Variants in SETD2 observed in about 807,000 individuals in gnomAD.
SETD2 encodes SET domain containing 2, histone lysine methyltransferase.
SETD2 carries 31 observed loss-of-function variants against 242.1 expected under a neutral mutation model. The observed-to-expected ratio is 0.13, with a 90% CI of 0.10 to 0.17. The LOEUF is 0.17. Ranked by LOEUF, SETD2 falls within the 10% of genes least tolerant of loss-of-function variation. The probability of loss-of-function intolerance (pLI) is 1.00; values close to 1 mark genes in which losing one functional copy is unlikely to be tolerated. For synonymous variants in SETD2, 1,006 were observed against 1,066.5 expected (o/e 0.94, Z 1.11); for missense variants, 2,481 against 3,046.3 (o/e 0.81, Z 4.37).
chr3:47,016,998 A>G lies in SETD2; in HGVS notation c.*95T>C. On this transcript the variant is annotated 3_prime_UTR_variant, in exon 21 of 21. Coordinates refer to ENST00000409792, the MANE Select transcript of SETD2 (RefSeq NM_014159.7). ...CAGGGTGATGTATCATCAGTAGCACAGTGCTGACAGGGGTGGGACAGAAAG... is the reference window on the plus strand; with the variant it reads ...CAGGGTGATGTATCATCAGTAGCACGGTGCTGACAGGGGTGGGACAGAAAG... 4.9e-6 allele frequency: 6 copies of G among 1,214,354 alleles called. No homozygotes were observed. Among genetic ancestry groups the G allele is most frequent in the Non-Finnish European group, 7.2e-6 (6 of 834,672 alleles). 75.2% of individuals were successfully genotyped at this position (1,214,354 alleles called of 1,614,324 possible). A position where few individuals can be genotyped will look rare whatever the true frequency, so the allele number is the denominator to read the frequency against.
At chr3:47,056,042 AAG>A in intron 15 of SETD2, among the ~76,000 whole-genome samples, 1 of 134,044 alleles carries the variant, frequency 7.5e-6, no homozygotes, top group Non-Finnish European at 1.6e-5. Context: ...AAAAAAAAAA[AAG>A]TTCTGCCTTG....
intron 17 of SETD2, among the ~76,000 whole-genome samples, chr3:47,041,131 G>A (rs1035454407): frequency 1.3e-5 from 2 of 152,086 alleles, no homozygotes; most frequent in African/African-American, 4.8e-5. Flanking sequence ...AATAGAGCAG[G>A]GGTTGGCAAA....
intron 12 of SETD2, among the ~76,000 whole-genome samples, chr3:47,071,735 G>A (rs2040829377): frequency 6.6e-6 from 1 of 151,640 alleles, no homozygotes; most frequent in African/African-American, 2.4e-5. Context: ...GAAATAGTAT[G>A]TTCCATATAG....
chr3:47,140,274 C>T (rs186272986), intron 1 of SETD2, among the ~76,000 whole-genome samples: 1 of 152,150 alleles, frequency 6.6e-6, no homozygotes, highest in Non-Finnish European at 1.5e-5. Flanking sequence ...GAATACCTAC[C>T]TAAAGTGAAT....
chr3:47,088,155 A>C lies in SETD2; in HGVS notation c.5235T>G (p.Ile1745Met). The change falls in exon 10 of 21, where the codon ATT (isoleucine) becomes ATG (methionine). Residue 1745 changes from isoleucine to methionine, a missense_variant. This residue lies in a region of SETD2 where 62 missense variants were observed against 136.7 expected (regional missense o/e 0.45). Coordinates refer to ENST00000409792, the MANE Select transcript of SETD2 (RefSeq NM_014159.7). The part of the protein sequence containing the change: ...VLSLSRLMVR[I>M]ETLEQKLTCL... Reference sequence around the variant, plus strand: ...AGGTAAGTTTCTGCTCCAAAGTTTCAATTCTAACCATTAGCCGGGATAAGC... The same window carrying C: ...AGGTAAGTTTCTGCTCCAAAGTTTCCATTCTAACCATTAGCCGGGATAAGC... 1 of 1,614,024 alleles carries C rather than the reference A, an allele frequency of 6.2e-7. No homozygotes were observed. The highest frequency in any genetic ancestry group is 8.5e-7 in the Non-Finnish European group (1 of 1,179,988).
chr3:47,117,367 C>T (rs540409899), intron 3 of SETD2, among the ~76,000 whole-genome samples: 7 of 151,254 alleles, frequency 4.6e-5, no homozygotes, highest in Non-Finnish European at 8.8e-5. Context: ...CATTCTGGAA[C>T]TCAGCCCTTA....
intron 13 of SETD2, among the ~76,000 whole-genome samples, chr3:47,064,976 G>T (rs2040498282): frequency 1.3e-5 from 2 of 151,992 alleles, no homozygotes; most frequent in Non-Finnish European, 2.9e-5. Flanking sequence ...GCATCTCATG[G>T]ATGCAAAATA....
intron 5 of SETD2, among the ~76,000 whole-genome samples, chr3:47,112,935 A>G (rs147558735): frequency 9.8e-4 from 150 of 152,356 alleles, no homozygotes; most frequent in African/African-American, 3.4e-3. Flanking sequence ...AAACATTTCC[A>G]GGAAATACTG....
At chr3:47,129,340 G>T (rs2043424334) in intron 1 of SETD2, among the ~76,000 whole-genome samples, 1 of 152,180 alleles carries the variant, frequency 6.6e-6, no homozygotes, top group Admixed American at 6.5e-5. Context: ...ACAAGCAAAA[G>T]AAAAGTCCAC....
intron 5 of SETD2, among the ~76,000 whole-genome samples, chr3:47,110,628 C>A (rs1332959841): frequency 6.6e-6 from 1 of 152,100 alleles, no homozygotes; most frequent in Non-Finnish European, 1.5e-5. Context: ...GTAGCTCTGA[C>A]AATCTGTCCT....
rs538755555 is a variant in SETD2 at position 47,096,027 on chromosome 3, A to T, written c.5142+1928T>A. Among the ~76,000 whole-genome samples, 492 of 152,262 alleles carry T rather than the reference A, an allele frequency of 3.2e-3. 3 individuals carry two copies. Among genetic ancestry groups the T allele is most frequent in the African/African-American group, 0.011 (460 of 41,542 alleles). ...CGCCTTGGCCTCCCAAAGTGCTGGGATTATAAGCAAGAGCCACCACGCCCA... is the reference window on the plus strand; with the variant it reads ...CGCCTTGGCCTCCCAAAGTGCTGGGTTTATAAGCAAGAGCCACCACGCCCA... On this transcript the variant is annotated intron_variant, in intron 9 of 20. Coordinates refer to ENST00000409792, the MANE Select transcript of SETD2 (RefSeq NM_014159.7).
chr3:47,137,239 C>T (rs2043608686), intron 1 of SETD2, among the ~76,000 whole-genome samples: 1 of 151,960 alleles, frequency 6.6e-6, no homozygotes, highest in African/African-American at 2.4e-5. Flanking sequence ...TGTCGCCAGG[C>T]TGGATTGCAG....
intron 6 of SETD2, 85 bp from the exon 7 acceptor site, chr3:47,103,508 T>C (rs1356168903): frequency 1.0e-5 from 10 of 968,518 alleles, no homozygotes; most frequent in Admixed American, 1.8e-5. Flanking sequence ...ACATCTCTTA[T>C]GCATCAATTA....
intron 13 of SETD2, among the ~76,000 whole-genome samples, chr3:47,063,617 A>T (rs1253266454): frequency 6.6e-6 from 1 of 152,102 alleles, no homozygotes; most frequent in Admixed American, 6.6e-5. Flanking sequence ...ACCCAATTCC[A>T]TTCCAGTGCT....
intron 1 of SETD2, among the ~76,000 whole-genome samples, chr3:47,137,413 G>A (rs1255819881): frequency 1.3e-5 from 2 of 151,932 alleles, no homozygotes; most frequent in African/African-American, 2.4e-5. Context: ...GGATGGTCTC[G>A]ATCTCTTGAC....
intron 8 of SETD2, among the ~76,000 whole-genome samples, chr3:47,099,697 T>C (rs1053115212): frequency 2.0e-5 from 3 of 152,028 alleles, no homozygotes; most frequent in Non-Finnish European, 2.9e-5. Flanking sequence ...GCAGCCTCAA[T>C]GTCCTAGGCT....
upstream of SETD2, chr3:47,164,747 G>A (rs1206473205): frequency 1.3e-5 from 2 of 152,452 alleles, no homozygotes; most frequent in Non-Finnish European, 2.9e-5. This position sits in a 1 kb window ranked among gnomAD's most constrained non-coding sequence, Gnocchi z 5.4. Context: ...CGGAGGCCGA[G>A]CTCCCGGCAG....
chr3:47,142,222 T>C (rs190673961), intron 1 of SETD2, among the ~76,000 whole-genome samples: 8 of 152,250 alleles, frequency 5.3e-5, no homozygotes, highest in Admixed American at 2.0e-4. Flanking sequence ...ATCATAATAA[T>C]GGGCTGGACG....
At chr3:47,146,320 G>A (rs943986842) in intron 1 of SETD2, among the ~76,000 whole-genome samples, 7 of 152,054 alleles carry the variant, frequency 4.6e-5, no homozygotes, top group African/African-American at 1.4e-4. Context: ...AAAAGAGAAC[G>A]AGTGTCTATT....
Sources: gnomAD v4.1 joint callset for allele counts (sites outside exome capture counted in the v4.1 genomes callset) on GRCh38, gnomAD v4.1.1 for gene constraint, gnomAD v4.1.1 regional missense constraint, Gnocchi (gnomAD v3.1) non-coding constraint, MANE v1.5 for transcripts, NCBI Gene and HGNC (gene_info 2026-07-23, HGNC 2026-07-21) for gene names.